RCAN2: variants seen among roughly 807,000 people sequenced by gnomAD.
RCAN2 encodes calcipressin-2.
A neutral mutation model predicts 23.6 loss-of-function variants in RCAN2; 9 were observed. The observed-to-expected ratio is 0.38, with a 90% CI of 0.23 to 0.67. The LOEUF (loss-of-function observed/expected upper bound fraction) is 0.67, where lower values mean the gene tolerates loss of function less well. Ranked by LOEUF, RCAN2 falls within the 30% of genes least tolerant of loss-of-function variation. The probability of loss-of-function intolerance (pLI) is 0.51; values close to 1 mark genes in which losing one functional copy is unlikely to be tolerated. For missense variants in RCAN2, 273 were observed against 302.3 expected (o/e 0.90, Z 0.72); for synonymous variants, 109 against 115.7 (o/e 0.94, Z 0.37).
intron 2 of RCAN2, among the ~76,000 whole-genome samples, chr6:46,361,461 GTTA>G (rs1372617651): frequency 6.6e-6 from 1 of 152,120 alleles, no homozygotes; most frequent in Non-Finnish European, 1.5e-5. Context: ...TTTGACTATT[GTTA>G]TTATCTAAAA....
chr6:46,318,633 G>A (rs555111936), intron 2 of RCAN2, among the ~76,000 whole-genome samples: 7 of 152,104 alleles, frequency 4.6e-5, no homozygotes, highest in African/African-American at 1.7e-4. Flanking sequence ...TTAAAAGCAC[G>A]CAATTACCAT....
chr6:46,377,616 C>T (rs1241657982), intron 2 of RCAN2, among the ~76,000 whole-genome samples: 1 of 152,178 alleles, frequency 6.6e-6, no homozygotes, highest in Non-Finnish European at 1.5e-5. Context: ...CCCAATTTGC[C>T]CTATCAATAC....
chr6:46,406,304 G>A (rs903161047), intron 2 of RCAN2, among the ~76,000 whole-genome samples: 24 of 152,304 alleles, frequency 1.6e-4, no homozygotes, highest in African/African-American at 5.5e-4. Flanking sequence ...GGGCTCTGAG[G>A]AGTGCCAGCA....
intron 2 of RCAN2, among the ~76,000 whole-genome samples, chr6:46,380,914 T>C (rs1765601706): frequency 6.6e-6 from 1 of 152,188 alleles, no homozygotes. Flanking sequence ...GGAACAAAAG[T>C]TAATCAGCAG....
intron 4 of RCAN2, among the ~76,000 whole-genome samples, chr6:46,246,496 T>A (rs1447932510): frequency 2.0e-5 from 3 of 152,202 alleles, no homozygotes; most frequent in Non-Finnish European, 4.4e-5. Context: ...TCTTAAAATA[T>A]CTGCATTGCA....
intron 2 of RCAN2, among the ~76,000 whole-genome samples, chr6:46,438,057 G>A (rs1330300010): frequency 6.6e-6 from 1 of 152,024 alleles, no homozygotes; most frequent in Non-Finnish European, 1.5e-5. Context: ...AGCAGCCCTG[G>A]CCAGAGTCAA....
At chr6:46,410,626 A>G (rs1766523104) in intron 2 of RCAN2, among the ~76,000 whole-genome samples, 1 of 152,206 alleles carries the variant, frequency 6.6e-6, no homozygotes, top group Non-Finnish European at 1.5e-5. Flanking sequence ...GCCTGTTACT[A>G]TTCTAATATT....
At chr6:46,263,475 ATG>A (rs57316214) in intron 2 of RCAN2, among the ~76,000 whole-genome samples, 95,865 of 138,652 alleles carry the variant, frequency 0.69, 33,109 homozygotes, top group Non-Finnish European at 0.78. Flanking sequence ...GTGTGTGTGT[ATG>A]TGTGTGTGTG....
chr6:46,426,631 T>G (rs1169922366), intron 2 of RCAN2, among the ~76,000 whole-genome samples: 1 of 152,124 alleles, frequency 6.6e-6, no homozygotes, highest in East Asian at 1.9e-4. Flanking sequence ...AAAACTAAAA[T>G]GCCTTCATGA....
intron 1 of RCAN2, among the ~76,000 whole-genome samples, chr6:46,490,556 C>A (rs888266170): frequency 6.6e-6 from 1 of 152,136 alleles, no homozygotes; most frequent in Non-Finnish European, 1.5e-5. Flanking sequence ...ACTTCTGGAG[C>A]GAAGCATCCC....
intron 1 of RCAN2, among the ~76,000 whole-genome samples, chr6:46,479,504 T>G (rs1226252202): frequency 6.6e-6 from 1 of 152,004 alleles, no homozygotes; most frequent in Non-Finnish European, 1.5e-5. Flanking sequence ...ATTATGGCTA[T>G]GATATTGAAA....
chr6:46,360,540 A>AG (rs1764977947), intron 2 of RCAN2, among the ~76,000 whole-genome samples: 1 of 149,056 alleles, frequency 6.7e-6, no homozygotes, highest in Non-Finnish European at 1.5e-5. Context: ...TCTCAAAAAA[A>AG]AAAAAAAAAA....
intron 2 of RCAN2, among the ~76,000 whole-genome samples, chr6:46,455,124 G>T (rs1166949024): frequency 6.6e-6 from 1 of 152,114 alleles, no homozygotes; most frequent in Non-Finnish European, 1.5e-5. Flanking sequence ...GAAACTACTT[G>T]CCCTGAGAAA....
intron 4 of RCAN2, among the ~76,000 whole-genome samples, chr6:46,240,677 C>T (rs182457656): frequency 2.0e-5 from 3 of 152,236 alleles, no homozygotes; most frequent in Admixed American, 2.0e-4. Context: ...CCACATGCAC[C>T]AAAAACATAG....
intron 1 of RCAN2, among the ~76,000 whole-genome samples, chr6:46,460,670 A>G (rs974867005): frequency 6.6e-6 from 1 of 152,212 alleles, no homozygotes; most frequent in African/African-American, 2.4e-5. Context: ...ATCTCAATCC[A>G]GATTGGTATT....
At chr6:46,415,289 C>G (rs1374673285) in intron 2 of RCAN2, among the ~76,000 whole-genome samples, 1 of 152,118 alleles carries the variant, frequency 6.6e-6, no homozygotes, top group Admixed American at 6.5e-5. Context: ...CGCTTAAAAT[C>G]AGTAAGATTT....
intron 2 of RCAN2, among the ~76,000 whole-genome samples, chr6:46,399,452 A>G (rs1348535880): frequency 1.3e-5 from 2 of 150,312 alleles, no homozygotes; most frequent in African/African-American, 4.9e-5. Context: ...AACAGGGGGA[A>G]CTGCAGGCAA....
chr6:46,243,413 A>C (rs192793551), intron 4 of RCAN2, among the ~76,000 whole-genome samples: 22 of 152,310 alleles, frequency 1.4e-4, no homozygotes, highest in African/African-American at 5.3e-4. Context: ...AAAAATCAGG[A>C]AACTCTCAAT....
intron 1 of RCAN2, among the ~76,000 whole-genome samples, chr6:46,487,115 T>C (rs904426340): frequency 2.0e-5 from 3 of 152,126 alleles, no homozygotes; most frequent in African/African-American, 7.2e-5. Flanking sequence ...AATCATTCTG[T>C]CCCCTCTCTA....
Sources: gnomAD v4.1 joint callset for allele counts (sites outside exome capture counted in the v4.1 genomes callset) on GRCh38, gnomAD v4.1.1 for gene constraint, MANE v1.5 for transcripts, NCBI Gene and HGNC (gene_info 2026-07-23, HGNC 2026-07-21) for gene names.